Variants in EHD4 observed in about 807,000 individuals in gnomAD.
The protein encoded by EHD4 is EH domain containing 4.
In EHD4, 37 loss-of-function variants were observed where a neutral mutation model predicts 51.0. That is an observed-to-expected ratio of 0.73 (90% CI 0.56 to 0.95). The LOEUF (loss-of-function observed/expected upper bound fraction) is 0.95. EHD4 is among the 40% of genes least tolerant of loss of function. The pLI is 0.00. For missense variants in EHD4, 632 were observed against 733.1 expected (o/e 0.86, Z 1.59); for synonymous variants, 297 against 317.3 (o/e 0.94, Z 0.68).
intron 1 of EHD4, 108 bp downstream of exon 1, chr15:41,972,151 C>T (rs1420664046): frequency 3.2e-5 from 37 of 1,174,464 alleles, no homozygotes; most frequent in Admixed American, 2.7e-4. Context: ...GGAGGGGTCC[C>T]CGAGGTCGCG....
intron 1 of EHD4, among the ~76,000 whole-genome samples, chr15:41,967,905 G>T (rs2067970482): frequency 6.6e-6 from 1 of 152,244 alleles, no homozygotes; most frequent in Non-Finnish European, 1.5e-5. Context: ...TCCGGCCAGA[G>T]ATTTCCTGAA....
In EHD4 at chr15:41,932,764, G is replaced by GGAAAGTAT. The variant is rs2067707180; in HGVS notation, c.511+10302_511+10303insATACTTTC. Reference sequence around the variant, plus strand: ...TCTCGTGGCTTTCCATAGCTCTACGGTCAGGCCCAAATACTTCACGCACCC... The same window carrying GGAAAGTAT: ...TCTCGTGGCTTTCCATAGCTCTACGGGAAAGTATTCAGGCCCAAATACTTCACGCACCC... On this transcript the variant is annotated intron_variant, in intron 3 of 5. Transcript: ENST00000220325. Among the ~76,000 whole-genome samples the GGAAAGTAT allele has an allele frequency of 3.3e-5, 5 of 152,156 alleles. No individual in the cohort carries two copies. The South Asian group carries it at 1.0e-3, about 32-fold the overall frequency.
chr15:41,919,372 G>A lies in EHD4; in HGVS notation c.762C>T (p.Arg254=), dbSNP rs554458708. ...GCGCCCAGAAGGAGCCAATGTAGAC[G>A]CGCAGTACCTCGGGCGTGTTGATGA... ...GKVINTPEVL[R]VYIGSFWAQP... Residue 254 remains arginine (R), a synonymous_variant, in exon 4 of 6, where the codon CGC becomes CGT. Transcript: ENST00000220325. 66 of 1,613,770 alleles carry A rather than the reference G, an allele frequency of 4.1e-5. No homozygotes were observed. Among genetic ancestry groups the A allele is most frequent in the Admixed American group, 2.3e-4 (14 of 59,966 alleles).
chr15:41,896,586 G>C lies in EHD4; in HGVS notation c.*4059C>G, dbSNP rs1053132621. 7.2e-5 allele frequency: 11 copies of C among 151,790 alleles called. No homozygotes were observed. The highest frequency in any genetic ancestry group is 2.2e-4 in the African/African-American group (9 of 41,282). 9.4% of individuals were successfully genotyped at this position (151,790 alleles called of 1,614,324 possible). A position where few individuals can be genotyped will look rare whatever the true frequency, so the allele number is the denominator to read the frequency against. On this transcript the variant is annotated 3_prime_UTR_variant, in exon 6 of 6. Transcript: ENST00000220325. Reference sequence around the variant, plus strand: ...ACTGTAGGTCTGGACCACCAAAAAGGTAGATGGGTTGGTGGGAAAAGCCAG... The same window carrying C: ...ACTGTAGGTCTGGACCACCAAAAAGCTAGATGGGTTGGTGGGAAAAGCCAG...
chr15:41,936,624 T>A (rs1303491281), intron 3 of EHD4, among the ~76,000 whole-genome samples: 1 of 152,244 alleles, frequency 6.6e-6, no homozygotes, highest in Non-Finnish European at 1.5e-5. Context: ...TAAAATTTTT[T>A]GTTTTTCATC....
chr15:41,941,431 GA>G (rs2067768956), intron 3 of EHD4, among the ~76,000 whole-genome samples: 1 of 152,168 alleles, frequency 6.6e-6, no homozygotes, highest in Non-Finnish European at 1.5e-5. Flanking sequence ...TAAGAAGTGA[GA>G]GAAAACCATT....
chr15:41,912,607 A>C (rs1010922176), intron 4 of EHD4, among the ~76,000 whole-genome samples: 2 of 152,170 alleles, frequency 1.3e-5, no homozygotes, highest in Non-Finnish European at 2.9e-5. Flanking sequence ...AAGCAGGAGA[A>C]TAGCTTGAAC....
intron 1 of EHD4, 90 bp downstream of exon 1, chr15:41,972,169 G>T (rs2068001030): frequency 1.6e-6 from 2 of 1,233,124 alleles, no homozygotes; most frequent in Admixed American, 4.2e-5. Context: ...GCGCCGGCCG[G>T]GAGGGGCAGC....
intron 5 of EHD4, chr15:41,908,740 T>A (rs1019402685): frequency 1.5e-4 from 23 of 152,266 alleles, no homozygotes; most frequent in African/African-American, 5.5e-4. Flanking sequence ...CCTGACATGT[T>A]CTTAGCACAC....
At chr15:41,915,068 T>C (rs1320030824) in intron 4 of EHD4, among the ~76,000 whole-genome samples, 2 of 148,716 alleles carry the variant, frequency 1.3e-5, no homozygotes, top group Non-Finnish European at 3.0e-5. Context: ...CTTTAGTACA[T>C]GTGTCTCAGT....
Position 41,909,067 on chromosome 15 carries a change from GC to G in EHD4, c.1089+631del, listed in dbSNP as rs562359305. On this transcript the variant is annotated intron_variant, in intron 5 of 5. Transcript: ENST00000220325. ...GAGGACACGCTCGTCTAACAGCAGT[GC>G]AGAGAGGTAGATATGCCGGTCAGGG... 6.6e-5 allele frequency among the ~76,000 whole-genome samples: 10 copies of G among 152,386 alleles called. No homozygotes were observed. In the South Asian group the frequency reaches 2.1e-3, roughly 32 times the overall value.
chr15:41,941,591 T>TTG (rs528862101), intron 3 of EHD4: 27 of 149,878 alleles, frequency 1.8e-4, no homozygotes, highest in African/African-American at 6.7e-4. Context: ...TGTTTTTTTT[T>TTG]TTGTTTTTTT....
At chr15:41,911,224 T>G (rs1215769268) in intron 4 of EHD4, among the ~76,000 whole-genome samples, 1 of 152,220 alleles carries the variant, frequency 6.6e-6, no homozygotes, top group Admixed American at 6.5e-5. Context: ...AACAGAAGCA[T>G]GCACTGTGCA....
At position 41,898,239 on chromosome 15, in the gene EHD4, G is replaced by C. The variant is rs1020015351; in HGVS notation, c.*2406C>G. On this transcript the variant is annotated 3_prime_UTR_variant, in exon 6 of 6. Coordinates refer to ENST00000220325, the MANE Select transcript of EHD4 (RefSeq NM_139265.4). The stretch of plus-strand genomic sequence containing the variant: ...CTCCCACCTGAGAGCGCAGAGGTAG[G>C]GAGATCACAGTGCCTGAGAGGTTTT... 6.6e-6 allele frequency: 1 copy of C among 152,168 alleles called. No homozygotes were observed. Among genetic ancestry groups the C allele is most frequent in the Non-Finnish European group, 1.5e-5 (1 of 68,028 alleles). The allele number at this position is 152,168 out of a possible 1,614,324, so 9.4% of individuals were successfully genotyped here.
At chr15:41,967,344 C>T (rs2141011177) in intron 1 of EHD4, among the ~76,000 whole-genome samples, 1 of 152,342 alleles carries the variant, frequency 6.6e-6, no homozygotes, top group Admixed American at 6.5e-5. Context: ...TCTAGTGTTA[C>T]AGCCCTTGTC....
At chr15:41,955,286 G>A (rs898954492) in intron 1 of EHD4, among the ~76,000 whole-genome samples, 2 of 151,782 alleles carry the variant, frequency 1.3e-5, no homozygotes, top group Non-Finnish European at 2.9e-5. Flanking sequence ...GAGGCCAAGC[G>A]GCTTGCCCAA....
chr15:41,901,714 C>G (rs2067478886), intron 5 of EHD4, among the ~76,000 whole-genome samples: 4 of 152,280 alleles, frequency 2.6e-5, no homozygotes, highest in African/African-American at 9.6e-5. Flanking sequence ...TAATTAAATA[C>G]CTTGTTTTCG....
chr15:41,935,575 T>C (rs2067726575), intron 3 of EHD4, among the ~76,000 whole-genome samples: 1 of 152,160 alleles, frequency 6.6e-6, no homozygotes, highest in African/African-American at 2.4e-5. Context: ...AAGCATCAAT[T>C]ACATTTTCTC....
At chr15:41,931,340 C>T (rs2067696736) in intron 3 of EHD4, among the ~76,000 whole-genome samples, 1 of 151,916 alleles carries the variant, frequency 6.6e-6, no homozygotes, top group African/African-American at 2.4e-5. Flanking sequence ...GGTGAAACCC[C>T]ATCTCTACAA....
Sources: allele counts gnomAD v4.1 joint callset (sites outside exome capture counted in the v4.1 genomes callset), GRCh38; gene constraint gnomAD v4.1.1; transcripts MANE v1.5; gene names NCBI Gene and HGNC (gene_info 2026-07-23, HGNC 2026-07-21).